Variants in UBA6 observed in about 807,000 individuals in gnomAD.
UBA6 encodes ubiquitin like modifier activating enzyme 6, also known as ubiquitin-like modifier-activating enzyme 6.
UBA6 carries 87 observed loss-of-function variants against 148.3 expected under a neutral mutation model. That is an observed-to-expected ratio of 0.59 (90% confidence interval 0.49 to 0.70). The LOEUF is 0.70. UBA6 is among the 30% of genes least tolerant of loss of function. UBA6 has a pLI of 0.00. For synonymous variants in UBA6, 376 were observed against 401.0 expected (o/e 0.94, Z 0.75); for missense variants, 1,186 against 1,241.2 (o/e 0.96, Z 0.67).
At chr4:67,640,807 T>C (rs1252758008) in intron 18 of UBA6, among the ~76,000 whole-genome samples, 1 of 152,046 alleles carries the variant, frequency 6.6e-6, no homozygotes, top group Non-Finnish European at 1.5e-5. Context: ...ATGACAAAGA[T>C]AAAAAAAGAC....
At chr4:67,662,883 T>G in intron 12 of UBA6, 1 of 316,618 alleles carries the variant, frequency 3.2e-6, no homozygotes, top group Non-Finnish European at 5.7e-6. Flanking sequence ...CTCAGAATTT[T>G]TTTTGTTTTA....
At chr4:67,679,850 A>G (rs973528886) in intron 4 of UBA6, among the ~76,000 whole-genome samples, 1 of 152,170 alleles carries the variant, frequency 6.6e-6, no homozygotes, top group Non-Finnish European at 1.5e-5. Context: ...CCCACTGAAA[A>G]GACTTTGTAA....
intron 19 of UBA6, 61 bp downstream of exon 19, chr4:67,638,882 G>A (rs1729234117): frequency 3.2e-6 from 4 of 1,264,356 alleles, no homozygotes; most frequent in Admixed American, 2.0e-5. Context: ...AATAAGTAAT[G>A]TGGGAAACAG....
chr4:67,696,815 A>G (rs1203074516), intron 1 of UBA6, 108 bp from the exon 2 acceptor site: 2 of 757,790 alleles, frequency 2.6e-6, no homozygotes, highest in Non-Finnish European at 4.2e-6. Flanking sequence ...AACCAAACAT[A>G]TATTTTATTA....
Position 67,688,734 on chromosome 4 carries a change from G to A in UBA6, c.135-6521C>T, listed in dbSNP as rs183350358. ...AAATTGCTCTAAAAGATATTTCCTA[G>A]TTAAATATATATGTACAAATATTAA... On this transcript the variant is annotated intron_variant, in intron 2 of 32. Coordinates refer to ENST00000322244, the MANE Select transcript of UBA6 (RefSeq NM_018227.6). Among the ~76,000 whole-genome samples, 831 of 152,090 alleles carry A rather than the reference G, an allele frequency of 5.5e-3. 11 individuals carry two copies. Among genetic ancestry groups the A allele is most frequent in the African/African-American group, 0.019 (798 of 41,506 alleles).
intron 8 of UBA6, 146 bp from the exon 9 acceptor site, chr4:67,668,820 C>G: frequency 1.5e-6 from 1 of 666,958 alleles, no homozygotes; most frequent in Non-Finnish European, 2.5e-6. Flanking sequence ...AAAAGCAAGC[C>G]TTTAAAAAGC....
chr4:67,619,844 G>A (rs1326615034), intron 32 of UBA6, among the ~76,000 whole-genome samples: 2 of 151,904 alleles, frequency 1.3e-5, no homozygotes, highest in Non-Finnish European at 2.9e-5. Flanking sequence ...TGCCTTAAAT[G>A]AAGTCATCAT....
intron 22 of UBA6, 38 bp downstream of exon 22, chr4:67,634,204 A>C: frequency 7.2e-7 from 1 of 1,383,270 alleles, no homozygotes; most frequent in South Asian, 1.3e-5. Context: ...ACACTGACAC[A>C]AAGTGTTAAG....
At chr4:67,662,414 T>A in intron 12 of UBA6, 159 bp from the exon 13 acceptor site, 1 of 540,004 alleles carries the variant, frequency 1.9e-6, no homozygotes, top group South Asian at 3.1e-5. Context: ...GATTGGCTTA[T>A]AAATACATTA....
chr4:67,655,633 G>C (rs1485443323), intron 13 of UBA6, among the ~76,000 whole-genome samples: 1 of 152,120 alleles, frequency 6.6e-6, no homozygotes, highest in East Asian at 1.9e-4. Flanking sequence ...AAAAGAACTA[G>C]AGAAGCAACA....
At chr4:67,670,361 A>G in intron 8 of UBA6, 109 bp downstream of exon 8, 1 of 905,622 alleles carries the variant, frequency 1.1e-6, no homozygotes, top group Admixed American at 2.5e-5. Context: ...AAAACACTGT[A>G]AAATAAATTT....
intron 11 of UBA6, 162 bp downstream of exon 11, chr4:67,663,723 G>C: frequency 2.0e-6 from 1 of 492,070 alleles, no homozygotes; most frequent in South Asian, 4.3e-5. Context: ...TTAATCCTCA[G>C]AAGTCAACTT....
chr4:67,642,690 G>A lies in UBA6; in HGVS notation c.1477-1462C>T, dbSNP rs971662930. Among the ~76,000 whole-genome samples the A allele has an allele frequency of 3.9e-5, 6 of 152,076 alleles. No individual in the cohort carries two copies. In the South Asian group the frequency reaches 6.2e-4, roughly 16 times the overall value. On this transcript the variant is annotated intron_variant, in intron 17 of 32. Coordinates refer to ENST00000322244, the MANE Select transcript of UBA6 (RefSeq NM_018227.6). The stretch of plus-strand genomic sequence containing the variant: ...CCATTATCTTCTATTTATTGCTGAC[G>A]AAAAGTCTATTATGCAATCTCTTTT...
At chr4:67,689,817 A>G (rs537046445) in intron 2 of UBA6, among the ~76,000 whole-genome samples, 1 of 152,130 alleles carries the variant, frequency 6.6e-6, no homozygotes, top group Middle Eastern at 3.2e-3. Context: ...CTACAAGCCA[A>G]TCTGAACCCA....
chr4:67,676,003 G>A (rs781070958), intron 6 of UBA6, among the ~76,000 whole-genome samples: 1 of 150,122 alleles, frequency 6.7e-6, no homozygotes, highest in Non-Finnish European at 1.5e-5. Context: ...GGCCATTATG[G>A]CCATTATAGT....
At chr4:67,661,994 A>C (rs1729869959) in intron 13 of UBA6, 195 bp downstream of exon 13, 1 of 471,886 alleles carries the variant, frequency 2.1e-6, no homozygotes, top group Non-Finnish European at 3.7e-6. Context: ...AAATTATTTA[A>C]TGTTCACAAT....
At position 67,623,183 on chromosome 4, in the gene UBA6, T is replaced by G; in HGVS notation, c.2880A>C (p.Val960=). Residue 960 remains valine (V), a synonymous_variant, in exon 31 of 33, where the codon GTA becomes GTC. Coordinates refer to ENST00000322244, the MANE Select transcript of UBA6 (RefSeq NM_018227.6). The stretch of plus-strand genomic sequence containing the variant: ...AGAGGGTGAAATCTTCTTTTCCATG[T>G]ACGGTCCATCGATCCCAAATTGTAA... ...ISFTIWDRWT[V]HGKEDFTLLD... 4 of 1,613,092 alleles carry G rather than the reference T, an allele frequency of 2.5e-6. No homozygotes were observed. The highest frequency in any genetic ancestry group is 3.4e-6 in the Non-Finnish European group (4 of 1,179,332).
chr4:67,630,409 G>A, intron 26 of UBA6, 57 bp downstream of exon 26: 1 of 1,077,166 alleles, frequency 9.3e-7, no homozygotes, highest in Non-Finnish European at 1.4e-6. Flanking sequence ...TAGTGCATCA[G>A]TCATCTAATT....
At chr4:67,662,463 A>AT in intron 12 of UBA6, 6 of 433,854 alleles carry the variant, frequency 1.4e-5, no homozygotes, top group South Asian at 6.2e-5. Flanking sequence ...AAATAAGTTT[A>AT]GTTTTTTTTG....
Sources: allele counts gnomAD v4.1 joint callset (sites outside exome capture counted in the v4.1 genomes callset), GRCh38; gene constraint gnomAD v4.1.1; transcripts MANE v1.5; gene names NCBI Gene and HGNC (gene_info 2026-07-23, HGNC 2026-07-21).